Variants in CD44 observed in about 807,000 individuals in gnomAD.
CD44 encodes the protein CD44 antigen.
CD44 carries 49 observed loss-of-function variants against 88.8 expected under a neutral mutation model. The ratio of observed to expected loss-of-function variants is 0.55; its 90% confidence interval spans 0.44 to 0.70. The LOEUF (loss-of-function observed/expected upper bound fraction) is 0.70. Ranked by LOEUF, CD44 falls within the 30% of genes least tolerant of loss-of-function variation. CD44 has a pLI of 0.00. For synonymous variants in CD44, 325 were observed against 312.3 expected, an observed-to-expected ratio of 1.04 and a Z score of -0.43; for missense variants, 883 against 913.8, an observed-to-expected ratio of 0.97 and a Z score of 0.43.
Position 35,223,193 on chromosome 11 carries a change from G to A in CD44, c.2024+1461G>A, listed in dbSNP as rs528825332. ...CTAAAAGGCCGCCTATGATTGAATG[G>A]AAAGATTTTTTTTAGTTGAATTTAA... On this transcript the variant is annotated intron_variant, in intron 17 of 17. Coordinates refer to ENST00000428726, the MANE Select transcript of CD44 (RefSeq NM_000610.4). 1.3e-5 allele frequency: 13 copies of A among 984,536 alleles called. No homozygotes were observed. The African/African-American group carries it at 2.3e-4, about 17-fold the overall frequency. 61.0% of individuals were successfully genotyped at this position (984,536 alleles called of 1,614,324 possible).
intron 15 of CD44, chr11:35,219,102 C>T (rs901057332): frequency 7.2e-6 from 4 of 556,472 alleles, no homozygotes; most frequent in Non-Finnish European, 9.7e-6. Flanking sequence ...TCTCATGTTC[C>T]TTGACACAAA....
intron 1 of CD44, among the ~76,000 whole-genome samples, chr11:35,169,007 TC>T (rs927239444): frequency 6.6e-6 from 1 of 152,192 alleles, no homozygotes; most frequent in African/African-American, 2.4e-5. Context: ...GAAGCAAAGT[TC>T]TGGGTTAAAG....
At chr11:35,139,681 G>T (rs1199759367) in intron 1 of CD44, 12 of 618,408 alleles carry the variant, frequency 1.9e-5, no homozygotes, top group South Asian at 1.8e-4. Context: ...TCTCCCGGAT[G>T]CGCACAGTCG....
rs973875362 is a variant in CD44 at position 35,141,703 on chromosome 11, C to T, written c.67+2333C>T. On this transcript the variant is annotated intron_variant, in intron 1 of 17. Transcript: ENST00000428726. ...GCCCCGTGTTTCCACGGCCCCTTTG[C>T]GCAGCATCATTTAGAGGAAGTACAA... 2.6e-5 allele frequency among the ~76,000 whole-genome samples: 4 copies of T among 152,314 alleles called. No individual in the cohort carries two copies. In the East Asian group the frequency reaches 5.8e-4, roughly 22 times the overall value.
At chr11:35,223,089 A>G in intron 17 of CD44, 1 of 985,114 alleles carries the variant, frequency 1.0e-6, no homozygotes, top group Non-Finnish European at 1.2e-6. Flanking sequence ...CTATGTTGCT[A>G]TCTATACCAT....
At chr11:35,163,037 G>A (rs1942829648) in intron 1 of CD44, among the ~76,000 whole-genome samples, 1 of 152,138 alleles carries the variant, frequency 6.6e-6, no homozygotes, top group Non-Finnish European at 1.5e-5. Context: ...TGGAAATTTA[G>A]AGCTCTACTT....
At chr11:35,213,306 C>T (rs925374612) in intron 14 of CD44, among the ~76,000 whole-genome samples, 1 of 152,142 alleles carries the variant, frequency 6.6e-6, no homozygotes, top group African/African-American at 2.4e-5. Flanking sequence ...ATTAAGTCAC[C>T]CAATTCTCAT....
intron 3 of CD44, 127 bp downstream of exon 3, chr11:35,180,534 C>G: frequency 1.0e-6 from 1 of 985,836 alleles, no homozygotes; most frequent in South Asian, 1.6e-5. Flanking sequence ...ATCTGTACAG[C>G]AGAGCCAACA....
Position 35,162,664 on chromosome 11 carries a change from A to G in CD44, c.68-13911A>G, listed in dbSNP as rs145281865. The stretch of plus-strand genomic sequence containing the variant: ...GAAGAGGTGTGAATTACAAGCAATT[A>G]GTTCACAGGGCAGTTGGAACTGTAG... On this transcript the variant is annotated intron_variant, in intron 1 of 17. Transcript: ENST00000428726. Among the ~76,000 whole-genome samples the G allele has an allele frequency of 7.4e-3, 1,130 of 152,310 alleles. 18 individuals are homozygous for G. The highest frequency in any genetic ancestry group is 0.026 in the African/African-American group (1,080 of 41,564).
At position 35,211,329 on chromosome 11, in the gene CD44, TACCC is replaced by T; in HGVS notation, c.1693_1696del (p.Pro565ThrfsTer11). 1.9e-6 allele frequency: 3 copies of T among 1,613,994 alleles called. No individual in the cohort carries two copies. Among genetic ancestry groups the T allele is most frequent in the African/African-American group, 2.7e-5 (2 of 75,048 alleles). On this transcript the variant is annotated frameshift_variant, in exon 14 of 18. Coordinates refer to ENST00000428726, the MANE Select transcript of CD44 (RefSeq NM_000610.4). LOFTEE classifies it high-confidence loss of function. ...TTTACTGGAAGGTTATACCTCTCAT[TACCC>T]ACACACGAAGGAAAGCAGGACCTTC...
chr11:35,185,546 C>T (rs1945576284), intron 3 of CD44, among the ~76,000 whole-genome samples: 1 of 151,634 alleles, frequency 6.6e-6, no homozygotes, highest in Admixed American at 6.6e-5. Flanking sequence ...CTTGTGATAG[C>T]AGTCTGTCTG....
chr11:35,209,993 A>G lies in CD44; in HGVS notation c.1545A>G (p.Thr515=), dbSNP rs1259301183. The change falls in exon 13 of 18, where the codon ACA becomes ACG. Residue 515 remains threonine (T), a synonymous_variant. Coordinates refer to ENST00000428726, the MANE Select transcript of CD44 (RefSeq NM_000610.4). The part of the protein sequence containing the change: ...TQQSNSQSFS[T]SHEGLEEDKD... ...AGAGTAATTCTCAGAGCTTCTCTAC[A>G]TCACATGAAGGCTTGGAAGAAGATA... 1 of 1,578,078 alleles carries G rather than the reference A, an allele frequency of 6.3e-7. No homozygotes were observed. Among genetic ancestry groups the G allele is most frequent in the Non-Finnish European group, 8.6e-7 (1 of 1,165,806 alleles).
intron 3 of CD44, among the ~76,000 whole-genome samples, chr11:35,181,956 ATTT>A (rs1385555640): frequency 4.2e-4 from 32 of 76,714 alleles, no homozygotes; most frequent in Admixed American, 8.2e-4. Context: ...ATATATATAA[ATTT>A]TATATATATA....
chr11:35,143,826 C>T (rs112267307), intron 1 of CD44, among the ~76,000 whole-genome samples: 11 of 152,322 alleles, frequency 7.2e-5, no homozygotes, highest in African/African-American at 2.2e-4. Context: ...TCCAGCTGCC[C>T]TCCCAGATAT....
chr11:35,142,578 T>A (rs1478653304), intron 1 of CD44, among the ~76,000 whole-genome samples: 2 of 152,166 alleles, frequency 1.3e-5, no homozygotes, highest in Admixed American at 1.3e-4. Context: ...GAGTTAGAAC[T>A]TTAGCTGTGT....
At chr11:35,161,321 ACATAGCATG>A (rs1942570653) in intron 1 of CD44, among the ~76,000 whole-genome samples, 1 of 152,296 alleles carries the variant, frequency 6.6e-6, no homozygotes, top group South Asian at 2.1e-4. Context: ...GGTTAAGAAA[ACATAGCATG>A]CATAACATCC....
chr11:35,148,079 G>A (rs1355868468), intron 1 of CD44, among the ~76,000 whole-genome samples: 10 of 150,790 alleles, frequency 6.6e-5, no homozygotes, highest in South Asian at 4.2e-4. Context: ...CAACAAGAGC[G>A]AAACTCGGTC....
intron 12 of CD44, among the ~76,000 whole-genome samples, chr11:35,208,629 A>G (rs1948116481): frequency 6.6e-6 from 1 of 152,194 alleles, no homozygotes; most frequent in South Asian, 2.1e-4. Context: ...TTGGGGCCAG[A>G]TAATCCTAGA....
intron 17 of CD44, among the ~76,000 whole-genome samples, chr11:35,228,436 G>A (rs570322832): frequency 1.3e-5 from 2 of 152,324 alleles, no homozygotes; most frequent in South Asian, 2.1e-4. Context: ...TGTTGACTGG[G>A]AGAGGAAGTT....
Sources: allele counts gnomAD v4.1 joint callset (sites outside exome capture counted in the v4.1 genomes callset), GRCh38; gene constraint gnomAD v4.1.1; transcripts MANE v1.5; gene names NCBI Gene and HGNC (gene_info 2026-07-23, HGNC 2026-07-21).